The following SLC38A12 variants were observed in gnomAD, a reference collection of about 807,000 sequenced individuals.
SLC38A12 encodes the protein putative sodium-coupled neutral amino acid transporter 12.
At chr17:74,827,142 C>A in the SLC38A12 span, among the ~76,000 whole-genome samples, 1 of 151,966 alleles carries the variant, frequency 6.6e-6, no homozygotes, top group Non-Finnish European at 1.5e-5. This position sits in a 1 kb window ranked among gnomAD's most constrained non-coding sequence, Gnocchi z 4.7. Flanking sequence ...ACAGTTTTTT[C>A]TGCTTGCCTG....
chr17:74,801,374 C>T, the SLC38A12 span, among the ~76,000 whole-genome samples: 50 of 152,304 alleles, frequency 3.3e-4, no homozygotes, highest in Non-Finnish European at 6.3e-4. Context: ...GAGCTGGACT[C>T]GGTGAGGCTT....
At chr17:74,791,199 G>T in the SLC38A12 span, among the ~76,000 whole-genome samples, 2 of 152,314 alleles carry the variant, frequency 1.3e-5, no homozygotes, top group South Asian at 4.1e-4. Flanking sequence ...TTGCTGACCT[G>T]TTTTCCTGGA....
the SLC38A12 span, among the ~76,000 whole-genome samples, chr17:74,824,849 A>G: frequency 1.8e-4 from 28 of 152,116 alleles, no homozygotes; most frequent in African/African-American, 5.3e-4. Context: ...ACTGCCCCAG[A>G]TTTGTTTTCC....
At chr17:74,800,722 T>C in the SLC38A12 span, among the ~76,000 whole-genome samples, 2 of 152,220 alleles carry the variant, frequency 1.3e-5, 1 homozygote. Context: ...ACGTCAGTGG[T>C]GCCCCCAGGG....
the SLC38A12 span, among the ~76,000 whole-genome samples, chr17:74,807,637 G>T: frequency 6.6e-6 from 1 of 152,220 alleles, no homozygotes; most frequent in African/African-American, 2.4e-5. Flanking sequence ...TTCTGTCTTT[G>T]GGGGGCAGAA....
chr17:74,806,544 G>T, the SLC38A12 span, among the ~76,000 whole-genome samples: 1 of 152,160 alleles, frequency 6.6e-6, no homozygotes. Flanking sequence ...TAACTCGGCC[G>T]AGGAGAGCCG....
the SLC38A12 span, among the ~76,000 whole-genome samples, chr17:74,808,843 G>C: frequency 1.3e-5 from 2 of 152,210 alleles, no homozygotes; most frequent in Non-Finnish European, 2.9e-5. Flanking sequence ...GCTCCCTCCT[G>C]CAGCGGCCAC....
chr17:74,828,762 G>A, the SLC38A12 span, among the ~76,000 whole-genome samples: 8 of 152,308 alleles, frequency 5.3e-5, no homozygotes, highest in Middle Eastern at 3.4e-3. Context: ...TTGGTGCAGC[G>A]TCTCAGCTCC....
the SLC38A12 span, among the ~76,000 whole-genome samples, chr17:74,816,686 T>A: frequency 1.3e-5 from 2 of 151,156 alleles, no homozygotes; most frequent in Admixed American, 6.6e-5. Context: ...CGTTTTTTTT[T>A]GTTTTTTTTT....
the SLC38A12 span, chr17:74,837,785 A>G: frequency 1.0e-6 from 1 of 985,938 alleles, no homozygotes; most frequent in Non-Finnish European, 1.2e-6. Context: ...CCTCCTGGGA[A>G]ACACAGGTGA....
At chr17:74,795,186 G>C in the SLC38A12 span, 5 of 1,263,462 alleles carry the variant, frequency 4.0e-6, no homozygotes, top group Admixed American at 8.5e-5. Flanking sequence ...GAGTGTCCAG[G>C]GGAGAAGCAC....
At chr17:74,801,035 C>A in the SLC38A12 span, among the ~76,000 whole-genome samples, 7 of 152,320 alleles carry the variant, frequency 4.6e-5, no homozygotes, top group East Asian at 1.2e-3. Flanking sequence ...CAAGACGAGT[C>A]AGGAGGAGAC....
At chr17:74,837,194 G>A in the SLC38A12 span, 19 of 985,856 alleles carry the variant, frequency 1.9e-5, no homozygotes, top group Admixed American at 1.8e-4. Context: ...TGCCTGTGAC[G>A]GCAGGGCCCA....
At chr17:74,827,108 G>A in the SLC38A12 span, among the ~76,000 whole-genome samples, 2 of 152,200 alleles carry the variant, frequency 1.3e-5, no homozygotes, top group African/African-American at 4.8e-5. This position sits in a 1 kb window ranked among gnomAD's most constrained non-coding sequence, Gnocchi z 4.7. Flanking sequence ...CACAAGGGGA[G>A]CTAGATGAGA....
the SLC38A12 span, chr17:74,839,225 G>A: frequency 1.6e-4 from 233 of 1,445,190 alleles, 2 homozygotes; most frequent in South Asian, 2.5e-3. Context: ...GGTGGTGGAG[G>A]TGGGCAGTGG....
At chr17:74,793,987 T>G in the SLC38A12 span, among the ~76,000 whole-genome samples, 2 of 152,210 alleles carry the variant, frequency 1.3e-5, no homozygotes, top group South Asian at 2.1e-4. Context: ...AAAAGGGAAC[T>G]GTCACTTCAT....
chr17:74,780,371 C>T, the SLC38A12 span, among the ~76,000 whole-genome samples: 2 of 152,172 alleles, frequency 1.3e-5, no homozygotes, highest in African/African-American at 4.8e-5. Flanking sequence ...GCAGGCCAGC[C>T]GTCCCAGGGA....
chr17:74,783,911 T>A, the SLC38A12 span, among the ~76,000 whole-genome samples: 2 of 151,754 alleles, frequency 1.3e-5, no homozygotes, highest in Admixed American at 6.6e-5. Flanking sequence ...GCATTTTTAG[T>A]AGAGACAGGG....
the SLC38A12 span, among the ~76,000 whole-genome samples, chr17:74,809,767 C>T: frequency 6.6e-6 from 1 of 152,206 alleles, no homozygotes; most frequent in Admixed American, 6.5e-5. Flanking sequence ...AGCATCCATC[C>T]ACCTTTCCCC....
Sources: gnomAD v4.1 joint callset for allele counts (sites outside exome capture counted in the v4.1 genomes callset) on GRCh38, gnomAD v4.1.1 for gene constraint, Gnocchi (gnomAD v3.1) non-coding constraint, MANE v1.5 for transcripts, NCBI Gene and HGNC (gene_info 2026-07-23, HGNC 2026-07-21) for gene names.